Variants in SI observed in about 807,000 individuals in gnomAD.
SI encodes the protein sucrase-isomaltase, intestinal.
Under a neutral mutation model 253.3 loss-of-function variants are expected in SI, and 235 were observed. That is an observed-to-expected ratio of 0.93 (90% CI 0.83 to 1.03). The LOEUF (loss-of-function observed/expected upper bound fraction) is 1.03, where lower values mean the gene tolerates loss of function less well. SI is among the 50% of genes least tolerant of loss of function. The probability of loss-of-function intolerance (pLI) is 0.00; values close to 1 mark genes in which losing one functional copy is unlikely to be tolerated. For synonymous variants in SI, 819 were observed against 712.0 expected (o/e 1.15, Z -2.39); for missense variants, 2,442 against 2,211.1 (o/e 1.10, Z -2.09).
At chr3:165,073,483 T>A (rs936391810) in intron 3 of SI, among the ~76,000 whole-genome samples, 20 of 152,074 alleles carry the variant, frequency 1.3e-4, no homozygotes, top group Non-Finnish European at 2.6e-4. Flanking sequence ...TTTTTTCAAA[T>A]TAATTAGAAA....
At chr3:165,077,692 A>T in intron 1 of SI, among the ~76,000 whole-genome samples, 1 of 151,838 alleles carries the variant, frequency 6.6e-6, no homozygotes, top group East Asian at 1.9e-4. Flanking sequence ...ACAACTTTAA[A>T]TAAGTGTAAA....
chr3:165,037,439 C>G (rs1394469687), intron 21 of SI, among the ~76,000 whole-genome samples: 1 of 151,738 alleles, frequency 6.6e-6, no homozygotes, highest in Non-Finnish European at 1.5e-5. Flanking sequence ...ACTTAGTGAG[C>G]AATTTAGTTT....
At chr3:165,079,121 A>G (rs1395937653), upstream of SI, among the ~76,000 whole-genome samples, 1 of 151,634 alleles carries the variant, frequency 6.6e-6, no homozygotes, top group African/African-American at 2.4e-5. Flanking sequence ...TTCTCATTTC[A>G]TGTAGTAAAA....
At chr3:165,037,622 G>A (rs973969224) in intron 21 of SI, among the ~76,000 whole-genome samples, 2 of 151,772 alleles carry the variant, frequency 1.3e-5, no homozygotes, top group African/African-American at 4.8e-5. Flanking sequence ...TAGTTATTAA[G>A]AATCAAATAT....
chr3:165,011,101 T>C (rs1266101262), intron 34 of SI, among the ~76,000 whole-genome samples: 1 of 152,162 alleles, frequency 6.6e-6, no homozygotes, highest in East Asian at 1.9e-4. Flanking sequence ...TTTCTATTTA[T>C]TTTGTGTTTT....
chr3:165,018,829 T>C (rs1335863979), intron 28 of SI, among the ~76,000 whole-genome samples: 2 of 151,530 alleles, frequency 1.3e-5, no homozygotes, highest in Non-Finnish European at 3.0e-5. Context: ...CAAGTTAGTG[T>C]TAATAGAAAA....
chr3:165,030,757 C>T lies in SI; in HGVS notation c.2847G>A (p.Leu949=), dbSNP rs562540561. Residue 949 remains leucine (L), a synonymous_variant, in exon 25 of 48, where the codon TTG becomes TTA. Coordinates refer to ENST00000264382, the MANE Select transcript of SI (RefSeq NM_001041.4). Reference sequence around the variant, plus strand: ...GTTGTGTGCACTTTTGTTCAGTTGCCAAATCTGCATCTGGATAACAATTAA... The same window carrying T: ...GTTGTGTGCACTTTTGTTCAGTTGCTAAATCTGCATCTGGATAACAATTAA... ...ERFNCYPDAD[L]ATEQKCTQRG... is the part of the protein sequence containing the mutation. 1.9e-6 allele frequency: 3 copies of T among 1,608,138 alleles called. No individual in the cohort carries two copies. Among genetic ancestry groups the T allele is most frequent in the East Asian group, 2.2e-5 (1 of 44,608 alleles).
At chr3:164,980,427 T>C (rs1717125508) in intron 47 of SI, among the ~76,000 whole-genome samples, 1 of 151,970 alleles carries the variant, frequency 6.6e-6, no homozygotes, top group African/African-American at 2.4e-5. Context: ...AAAATGCTTT[T>C]GAAATTATAT....
In SI at chr3:165,017,816, T is replaced by A; in HGVS notation, c.3578A>T (p.Asp1193Val). 6.2e-7 allele frequency: 1 copy of A among 1,613,152 alleles called. No homozygotes were observed. Among genetic ancestry groups the A allele is most frequent in the East Asian group, 2.2e-5 (1 of 44,758 alleles). The change falls in exon 30 of 48, where the codon GAT becomes GTT. Residue 1193 changes from aspartate to valine, a missense_variant. Asp to Val is a radical substitution (Grantham distance 152). Transcript: ENST00000264382. Reference sequence around the variant, plus strand: ...AGTTGGGCCCAAAAACATATAAAAATCCAAGATCCCTCCAACTGTACGGTA... The same window carrying A: ...AGTTGGGCCCAAAAACATATAAAAAACCAAGATCCCTCCAACTGTACGGTA... The part of the protein sequence containing the change: ...LTYRTVGGIL[D>V]FYMFLGPTPE...
At chr3:165,051,723 G>T (rs532263468) in intron 13 of SI, among the ~76,000 whole-genome samples, 1 of 151,980 alleles carries the variant, frequency 6.6e-6, no homozygotes, top group East Asian at 1.9e-4. Flanking sequence ...ACTCATCTAT[G>T]ATATTAATAT....
chr3:165,076,227 A>C (rs1282071061), intron 1 of SI, among the ~76,000 whole-genome samples: 1 of 151,852 alleles, frequency 6.6e-6, no homozygotes, highest in Non-Finnish European at 1.5e-5. Context: ...AAATGTAAGC[A>C]ACACATGCAA....
chr3:165,009,825 A>G (rs544034938), intron 34 of SI, among the ~76,000 whole-genome samples: 137 of 152,160 alleles, frequency 9.0e-4, no homozygotes, highest in African/African-American at 3.2e-3. Flanking sequence ...CACCCTCATC[A>G]ACTGCTTCTT....
Position 165,009,404 on chromosome 3 carries a change from C to A in SI, c.4063-9G>T. ...ACATGAGCTCTGGAAGCCTGTAAAA[C>A]CAAAATTTAGGCTCACATGTGGAAA... On this transcript the variant is annotated splice_polypyrimidine_tract_variant and intron_variant, in intron 34 of 47. Coordinates refer to ENST00000264382, the MANE Select transcript of SI (RefSeq NM_001041.4). 1 of 1,539,518 alleles carries A rather than the reference C, an allele frequency of 6.5e-7. No individual in the cohort carries two copies. Among genetic ancestry groups the A allele is most frequent in the Non-Finnish European group, 9.0e-7 (1 of 1,112,338 alleles).
chr3:165,068,739 T>A lies in SI; in HGVS notation c.466A>T (p.Asn156Tyr). Residue 156 changes from asparagine to tyrosine, a missense_variant, in exon 5 of 48, where the codon AAT becomes TAT. Physicochemically the swap from Asn to Tyr is moderately radical, Grantham distance 143. Transcript: ENST00000264382. ...AACCGAACCTTGAACCGGAAACGATTGGGTGTCTGATTTTGAGTTGTGAAG... is the reference window on the plus strand; with the variant it reads ...AACCGAACCTTGAACCGGAAACGATAGGGTGTCTGATTTTGAGTTGTGAAG... Reference protein sequence around the residue: ...VLFTTQNQTPNRFRFKITDPN... With the variant: ...VLFTTQNQTPYRFRFKITDPN... 1 of 1,612,972 alleles carries A rather than the reference T, an allele frequency of 6.2e-7. No individual in the cohort carries two copies. The highest frequency in any genetic ancestry group is 8.5e-7 in the Non-Finnish European group (1 of 1,178,942).
chr3:164,980,766 G>A (rs535409981), intron 47 of SI, among the ~76,000 whole-genome samples: 1 of 151,944 alleles, frequency 6.6e-6, no homozygotes, highest in Non-Finnish European at 1.5e-5. Flanking sequence ...TGATCAAAAC[G>A]ACCTTGAAAT....
intron 34 of SI, among the ~76,000 whole-genome samples, chr3:165,012,434 GT>G (rs749409208): frequency 2.6e-5 from 4 of 151,812 alleles, no homozygotes; most frequent in Non-Finnish European, 5.9e-5. Flanking sequence ...TTGTTGTTTT[GT>G]TTTGTTTTTT....
chr3:165,064,791 C>CA (rs937582877), intron 7 of SI, among the ~76,000 whole-genome samples: 8 of 151,278 alleles, frequency 5.3e-5, no homozygotes, highest in African/African-American at 1.7e-4. Flanking sequence ...CAGTAGTTAC[C>CA]AAAAAAACAA....
At position 165,063,261 on chromosome 3, in the gene SI, G is replaced by A. The variant is rs1235244447; in HGVS notation, c.907+181C>T. ...AGCATACTCTCCCCAAAATAGATGC[G>A]CTGGCATGCAAAAATTGATTTTGTC... On this transcript the variant is annotated intron_variant, in intron 8 of 47. Transcript: ENST00000264382. Among the ~76,000 whole-genome samples, 5 of 151,846 alleles carry A rather than the reference G, an allele frequency of 3.3e-5. No individual in the cohort carries two copies. In the East Asian group the frequency reaches 9.7e-4, roughly 29 times the overall value.
the SI span, among the ~76,000 whole-genome samples, chr3:165,087,152 C>CAA: frequency 4.5e-3 from 682 of 150,350 alleles, 7 homozygotes; most frequent in Non-Finnish European, 7.5e-3. Flanking sequence ...ACAAAACAAA[C>CAA]AAACAAAAAA....
Sources: allele counts gnomAD v4.1 joint callset (sites outside exome capture counted in the v4.1 genomes callset), GRCh38; gene constraint gnomAD v4.1.1; transcripts MANE v1.5; gene names NCBI Gene and HGNC (gene_info 2026-07-23, HGNC 2026-07-21).